Variants in TBP observed in about 807,000 individuals in gnomAD.
The protein encoded by TBP is TATA-box binding protein.
TBP carries 12 observed loss-of-function variants against 46.2 expected under a neutral mutation model. That is an observed-to-expected ratio of 0.26 (90% CI 0.17 to 0.42). The LOEUF (loss-of-function observed/expected upper bound fraction) is 0.42. Among genes scored for constraint, TBP ranks in the 10% least tolerant of loss-of-function variants. The pLI is 1.00. For missense variants in TBP, 229 were observed against 403.1 expected, an observed-to-expected ratio of 0.57 and a Z score of 3.70; for synonymous variants, 157 against 148.3, an observed-to-expected ratio of 1.06 and a Z score of -0.42.
At position 170,561,677 on chromosome 6, in the gene TBP, A is replaced by G. The variant is rs1005365448; in HGVS notation, c.55-114A>G. The G allele has an allele frequency of 1.4e-5, 21 of 1,513,028 alleles. No individual in the cohort carries two copies. In the African/African-American group the frequency reaches 2.8e-4, roughly 20 times the overall value. The allele number at this position is 1,513,028 out of a possible 1,614,324, so 93.7% of individuals were successfully genotyped here. A position where few individuals can be genotyped will look rare whatever the true frequency, so the allele number is the denominator to read the frequency against. On this transcript the variant is annotated intron_variant, in intron 2 of 7. Transcript: ENST00000392092. ...TCCGTAATTAATGTTTAATAACCCC[A>G]TTATTCTCCGAAGGCATCTGTCTTT...
chr6:170,564,513 A>G, intron 3 of TBP, 32 bp from the exon 4 acceptor site: 1 of 1,467,768 alleles, frequency 6.8e-7, no homozygotes, highest in South Asian at 1.2e-5. Context: ...AGTAATTTAA[A>G]TAGTCGTGTT....
intron 3 of TBP, among the ~76,000 whole-genome samples, chr6:170,563,849 G>GTTTAAA (rs1208716066): frequency 3.3e-5 from 5 of 152,100 alleles, no homozygotes; most frequent in African/African-American, 1.2e-4. Flanking sequence ...GAAAATGTGG[G>GTTTAAA]TTTGTTGTTT....
At chr6:170,556,726 A>G (rs1779037809) in intron 1 of TBP, among the ~76,000 whole-genome samples, 156 bp from the exon 2 acceptor site, 1 of 152,264 alleles carries the variant, frequency 6.6e-6, no homozygotes, top group African/African-American at 2.4e-5. Flanking sequence ...ACATGGAAGG[A>G]ATAAAACTTT....
rs1398625750 is a variant in TBP at position 170,572,027 on chromosome 6, G to A, written c.941-159G>A. On this transcript the variant is annotated intron_variant, in intron 7 of 7. Coordinates refer to ENST00000392092, the MANE Select transcript of TBP (RefSeq NM_003194.5). ...GTTTTATAAACAAAAATAAGATTGT[G>A]ACAAGGGATTCCACTATTAATGTTT... Among the ~76,000 whole-genome samples, 5 of 152,118 alleles carry A rather than the reference G, an allele frequency of 3.3e-5. No homozygotes were observed. In the East Asian group the frequency reaches 9.7e-4, roughly 30 times the overall value.
At chr6:170,568,750 A>ACCTG (rs36143182) in intron 5 of TBP, among the ~76,000 whole-genome samples, 65,475 of 137,014 alleles carry the variant, frequency 0.48, 15,880 homozygotes, top group East Asian at 0.72. Context: ...ACCGTGCCCG[A>ACCTG]CCTGCCTGCC....
At position 170,569,555 on chromosome 6, in the gene TBP, A is replaced by C. The variant is rs184218376; in HGVS notation, c.678-57A>C. 5.8e-4 allele frequency: 886 copies of C among 1,514,924 alleles called. 4 individuals are homozygous for C. In the African/African-American group the frequency reaches 8.7e-3, roughly 15 times the overall value. The allele number at this position is 1,514,924 out of a possible 1,614,324, so 93.8% of individuals were successfully genotyped here. On this transcript the variant is annotated intron_variant, in intron 5 of 7. Coordinates refer to ENST00000392092, the MANE Select transcript of TBP (RefSeq NM_003194.5). ...TGGACTTTTTATAAGTTATTAGTCT[A>C]AATAAGTATTTTAGCTGGCTCTGAG... is the stretch of plus-strand genomic sequence containing the variant.
chr6:170,558,334 A>G (rs1269068646), intron 2 of TBP, among the ~76,000 whole-genome samples: 1 of 152,230 alleles, frequency 6.6e-6, no homozygotes, highest in Non-Finnish European at 1.5e-5. Flanking sequence ...GTTGCTCCAC[A>G]TCCTCACCAA....
At chr6:170,555,941 C>A (rs947230696) in intron 1 of TBP, among the ~76,000 whole-genome samples, 13 of 150,446 alleles carry the variant, frequency 8.6e-5, no homozygotes, top group Admixed American at 2.6e-4. Context: ...GGATAACTGT[C>A]AAAAAAAAAG....
At chr6:170,559,369 G>T (rs1419398722) in intron 2 of TBP, among the ~76,000 whole-genome samples, 1 of 152,100 alleles carries the variant, frequency 6.6e-6, no homozygotes, top group African/African-American at 2.4e-5. Context: ...TGAATGCAAG[G>T]GAAAAGTTCT....
chr6:170,564,686 G>A lies in TBP; in HGVS notation c.585+54G>A, dbSNP rs376507961. 1.6e-4 allele frequency: 202 copies of A among 1,229,454 alleles called. 3 individuals are homozygous for A. The South Asian group carries it at 2.3e-3, about 14-fold the overall frequency. 76.2% of individuals were successfully genotyped at this position (1,229,454 alleles called of 1,614,324 possible). A position where few individuals can be genotyped will look rare whatever the true frequency, so the allele number is the denominator to read the frequency against. ...TTTTTTCTTTTTTGTCTCCTCTGCC[G>A]TGTCTCTATATTTTAATGTATTTCA... On this transcript the variant is annotated intron_variant, in intron 4 of 7. Coordinates refer to ENST00000392092, the MANE Select transcript of TBP (RefSeq NM_003194.5).
At chr6:170,567,595 GA>G (rs1320248423) in intron 5 of TBP, 3 of 152,188 alleles carry the variant, frequency 2.0e-5, no homozygotes, top group African/African-American at 4.8e-5. Context: ...TGAAATGGAA[GA>G]AAAAATTGAT....
rs570906454 is a variant in TBP, at chr6:170,556,709, G to A, written c.-148-173G>A. On this transcript the variant is annotated intron_variant, in intron 1 of 7. Transcript: ENST00000392092. ...TTTGTTGGCGATTTTACATGCAATC[G>A]CCGGAAACATGGAAGGAATAAAACT... Among the ~76,000 whole-genome samples the A allele has an allele frequency of 2.4e-4, 36 of 152,166 alleles. No homozygotes were observed. In the South Asian group the frequency reaches 7.3e-3, roughly 31 times the overall value.
intron 4 of TBP, 52 bp downstream of exon 4, chr6:170,564,684 C>T (rs780988715): frequency 8.0e-7 from 1 of 1,244,700 alleles, no homozygotes; most frequent in East Asian, 2.5e-5. Flanking sequence ...GTCTCCTCTG[C>T]CGTGTCTCTA....
chr6:170,570,382 C>T (rs1486365678), intron 6 of TBP, among the ~76,000 whole-genome samples: 2 of 152,164 alleles, frequency 1.3e-5, no homozygotes, highest in African/African-American at 2.4e-5. Flanking sequence ...TCCCTTTTCA[C>T]CTAGGAAGCT....
chr6:170,556,951 G>A lies in TBP; in HGVS notation c.-79G>A. The stretch of plus-strand genomic sequence containing the variant: ...AAGTTGCTGAGAAGAGTGTGCTGGA[G>A]ATGCTCTAGGAAAAAATTGAATAGT... On this transcript the variant is annotated 5_prime_UTR_variant, in exon 2 of 8. Transcript: ENST00000392092. The A allele has an allele frequency of 7.3e-7, 1 of 1,362,426 alleles. No homozygotes were observed. Among genetic ancestry groups the A allele is most frequent in the South Asian group, 1.2e-5 (1 of 84,950 alleles). The allele number at this position is 1,362,426 out of a possible 1,614,324, so 84.4% of individuals were successfully genotyped here. A position where few individuals can be genotyped will look rare whatever the true frequency, so the allele number is the denominator to read the frequency against.
chr6:170,555,674 T>G (rs1341861681), intron 1 of TBP, among the ~76,000 whole-genome samples: 2 of 152,198 alleles, frequency 1.3e-5, no homozygotes, highest in Non-Finnish European at 2.9e-5. Flanking sequence ...CTATATTGTC[T>G]TCTCTTCCAG....
chr6:170,556,055 G>A (rs1416364911), intron 1 of TBP, among the ~76,000 whole-genome samples: 1 of 152,174 alleles, frequency 6.6e-6, no homozygotes, highest in East Asian at 1.9e-4. Flanking sequence ...GATAGTCTTT[G>A]GGGGCCTTTG....
chr6:170,555,559 C>T (rs1314782393), intron 1 of TBP, among the ~76,000 whole-genome samples: 3 of 152,124 alleles, frequency 2.0e-5, no homozygotes, highest in Non-Finnish European at 2.9e-5. Context: ...TCTCTTTTGT[C>T]TGAAGCCCTG....
At chr6:170,556,451 A>AT (rs746340098) in intron 1 of TBP, among the ~76,000 whole-genome samples, 3 of 151,882 alleles carry the variant, frequency 2.0e-5, no homozygotes, top group Non-Finnish European at 4.4e-5. Flanking sequence ...TATTTACTTA[A>AT]TTTTTTGCCC....
Sources: gnomAD v4.1 joint callset for allele counts (sites outside exome capture counted in the v4.1 genomes callset) on GRCh38, gnomAD v4.1.1 for gene constraint, MANE v1.5 for transcripts, NCBI Gene and HGNC (gene_info 2026-07-23, HGNC 2026-07-21) for gene names.